The following DDX10 variants were observed in gnomAD, a reference collection of about 807,000 sequenced individuals.
DDX10 encodes DEAD-box helicase 10, also known as probable ATP-dependent RNA helicase DDX10.
Under a neutral mutation model 104.3 loss-of-function variants are expected in DDX10, and 74 were observed. The observed-to-expected ratio is 0.71, with a 90% CI of 0.59 to 0.86. The LOEUF (loss-of-function observed/expected upper bound fraction) is 0.86. Among genes scored for constraint, DDX10 ranks in the 40% least tolerant of loss-of-function variants. The pLI is 0.00. For synonymous variants in DDX10, 351 were observed against 353.4 expected (o/e 0.99, Z 0.08); for missense variants, 952 against 1,040.0 (o/e 0.92, Z 1.16).
chr11:108,819,054 T>C (rs919143266), intron 13 of DDX10, among the ~76,000 whole-genome samples: 1 of 152,182 alleles, frequency 6.6e-6, no homozygotes, highest in Non-Finnish European at 1.5e-5. Flanking sequence ...TGAGAGGAGA[T>C]TGTTTTCATA....
chr11:108,906,845 A>G (rs1238790631), intron 16 of DDX10, among the ~76,000 whole-genome samples: 1 of 152,246 alleles, frequency 6.6e-6, no homozygotes, highest in African/African-American at 2.4e-5. Context: ...TTTAGGAAGA[A>G]GAATGAATTT....
At chr11:108,678,178 AG>A in intron 4 of DDX10, 136 bp from the exon 5 acceptor site, 1 of 831,806 alleles carries the variant, frequency 1.2e-6, no homozygotes, top group Non-Finnish European at 1.7e-6. Flanking sequence ...CAGAAATACA[AG>A]GGAAAAGTTA....
At chr11:108,699,353 C>G (rs544615906) in intron 9 of DDX10, among the ~76,000 whole-genome samples, 109 of 152,260 alleles carry the variant, frequency 7.2e-4, no homozygotes, top group African/African-American at 2.6e-3. Context: ...TCATCTGGGT[C>G]CTCTGGCTCT....
intron 10 of DDX10, among the ~76,000 whole-genome samples, chr11:108,713,706 G>A (rs1012025642): frequency 6.6e-6 from 1 of 152,088 alleles, no homozygotes; most frequent in Non-Finnish European, 1.5e-5. Context: ...AGTATGTCTT[G>A]TAATGTTTTT....
intron 13 of DDX10, among the ~76,000 whole-genome samples, chr11:108,759,507 T>C (rs2094348204): frequency 6.6e-6 from 1 of 152,022 alleles, no homozygotes; most frequent in Non-Finnish European, 1.5e-5. Context: ...ACTCAGATGG[T>C]AGATATGGTT....
intron 16 of DDX10, among the ~76,000 whole-genome samples, chr11:108,855,245 G>A (rs1862849644): frequency 6.6e-6 from 1 of 152,090 alleles, no homozygotes; most frequent in African/African-American, 2.4e-5. Flanking sequence ...TTTGAGTTCA[G>A]GTAGGTTACA....
At chr11:108,800,304 G>C (rs1368714481) in intron 13 of DDX10, among the ~76,000 whole-genome samples, 1 of 148,958 alleles carries the variant, frequency 6.7e-6, no homozygotes, top group Non-Finnish European at 1.5e-5. Flanking sequence ...AATTAGCCAG[G>C]CATGGTGGCG....
chr11:108,848,257 C>G (rs1193512880), intron 15 of DDX10, among the ~76,000 whole-genome samples: 1 of 152,130 alleles, frequency 6.6e-6, no homozygotes, highest in Non-Finnish European at 1.5e-5. Context: ...ATACTAGTGC[C>G]AGAATCCATT....
chr11:108,913,903 CATT>C lies in DDX10; in HGVS notation c.2305-3967_2305-3965del, dbSNP rs530597859. 3.8e-3 allele frequency among the ~76,000 whole-genome samples: 578 copies of C among 152,278 alleles called. 4 individuals carry two copies. Among genetic ancestry groups the C allele is most frequent in the South Asian group, 0.03 (144 of 4,828 alleles). ...ATTAATAAATTAAAGGTATTAGTCA[CATT>C]ATACTTTCCATAATACAGGTATTCC... On this transcript the variant is annotated intron_variant, in intron 16 of 17. Transcript: ENST00000322536.
At chr11:108,875,510 T>C (rs942208467) in intron 16 of DDX10, among the ~76,000 whole-genome samples, 1 of 152,186 alleles carries the variant, frequency 6.6e-6, no homozygotes, top group Non-Finnish European at 1.5e-5. Context: ...AGAGATTTGT[T>C]GTTGAATCTT....
At chr11:108,669,190 C>T (rs2094213928) in intron 1 of DDX10, among the ~76,000 whole-genome samples, 1 of 151,788 alleles carries the variant, frequency 6.6e-6, no homozygotes, top group Non-Finnish European at 1.5e-5. Context: ...ACCTCCTGGG[C>T]TCAAGTGACC....
intron 16 of DDX10, among the ~76,000 whole-genome samples, chr11:108,898,886 T>G (rs1023192560): frequency 2.0e-5 from 3 of 152,112 alleles, no homozygotes; most frequent in Non-Finnish European, 4.4e-5. Flanking sequence ...CTTCTGAAGG[T>G]TTGTTGAAAG....
rs769637227 is a variant in DDX10 at position 108,679,477 on chromosome 11, A to G, written c.765A>G (p.Thr255=). The G allele has an allele frequency of 1.2e-6, 2 of 1,614,000 alleles. No individual in the cohort carries two copies. ...KKRQTLLFSA[T]QTKSVKDLAR... is the part of the protein sequence containing the mutation. ...GTCAGACTTTACTTTTCTCAGCAAC[A>G]CAAACTAAATCTGTAAAGGACCTTG... Residue 255 remains threonine (T), a synonymous_variant, in exon 6 of 18, where the codon ACA becomes ACG. Coordinates refer to ENST00000322536, the MANE Select transcript of DDX10 (RefSeq NM_004398.4).
rs147801755 is a variant in DDX10, at chr11:108,677,155, C to T, written c.449C>T (p.Thr150Met). The T allele has an allele frequency of 2.4e-5, 38 of 1,613,802 alleles. No homozygotes were observed. The highest frequency in any genetic ancestry group is 5.3e-5 in the African/African-American group (4 of 74,932). ...CTGGGGGTTCTCATAATATCACCTA[C>T]GAGAGAACTGGCCTATCAGACCTTT... is the stretch of plus-strand genomic sequence containing the variant. ...DGLGVLIISPTRELAYQTFEV... is the reference protein window; with the variant it reads ...DGLGVLIISPMRELAYQTFEV... Residue 150 changes from threonine to methionine, a missense_variant, in exon 4 of 18, where the codon ACG becomes ATG. Around this residue, in one of 3 missense-constraint regions of DDX10, gnomAD observed 412 missense variants for 479.2 expected, o/e 0.86. Coordinates refer to ENST00000322536, the MANE Select transcript of DDX10 (RefSeq NM_004398.4).
chr11:108,920,379 A>G (rs752512702), intron 17 of DDX10: 3 of 152,198 alleles, frequency 2.0e-5, no homozygotes, highest in Non-Finnish European at 4.4e-5. Context: ...AACTTGTTTT[A>G]AGCTGACAGA....
At chr11:108,718,375 T>C (rs2094294131) in intron 11 of DDX10, among the ~76,000 whole-genome samples, 1 of 152,126 alleles carries the variant, frequency 6.6e-6, no homozygotes, top group African/African-American at 2.4e-5. Flanking sequence ...TTTGAACAAA[T>C]GGTTAATATT....
chr11:108,702,311 C>T (rs1016909636), intron 9 of DDX10, among the ~76,000 whole-genome samples: 2 of 151,954 alleles, frequency 1.3e-5, no homozygotes, highest in Non-Finnish European at 2.9e-5. Flanking sequence ...ATGTTTTTTT[C>T]GTGTATGTCT....
intron 16 of DDX10, among the ~76,000 whole-genome samples, chr11:108,901,211 A>G (rs1231594076): frequency 6.6e-6 from 1 of 152,186 alleles, no homozygotes; most frequent in South Asian, 2.1e-4. Flanking sequence ...TAGAGCATGG[A>G]ACATATTTGG....
intron 15 of DDX10, among the ~76,000 whole-genome samples, chr11:108,848,239 A>G (rs1862745184): frequency 6.6e-6 from 1 of 152,202 alleles, no homozygotes; most frequent in South Asian, 2.1e-4. Context: ...ATAGCTAGAT[A>G]TGTACATATA....
Sources: gnomAD v4.1 joint callset for allele counts (sites outside exome capture counted in the v4.1 genomes callset) on GRCh38, gnomAD v4.1.1 for gene constraint, gnomAD v4.1.1 regional missense constraint, MANE v1.5 for transcripts, NCBI Gene and HGNC (gene_info 2026-07-23, HGNC 2026-07-21) for gene names.